The following PPFIA2 variants were observed in gnomAD, a reference collection of about 807,000 sequenced individuals.
The protein encoded by PPFIA2 is PPFI scaffold protein A2, also known as liprin-alpha-2.
In PPFIA2, 46 loss-of-function variants were observed where a neutral mutation model predicts 175.5. That is an observed-to-expected ratio of 0.26 (90% CI 0.21 to 0.34). PPFIA2 has a LOEUF of 0.34. Among genes scored for constraint, PPFIA2 ranks in the 10% least tolerant of loss-of-function variants. The pLI is 1.00. For missense variants in PPFIA2, 1,179 were observed against 1,506.1 expected (o/e 0.78, Z 3.60); for synonymous variants, 568 against 511.4 (o/e 1.11, Z -1.49).
chr12:81,742,909 A>G (rs1211670803), intron 3 of PPFIA2, among the ~76,000 whole-genome samples: 1 of 152,158 alleles, frequency 6.6e-6, no homozygotes, highest in African/African-American at 2.4e-5. Flanking sequence ...AGTTGCTGAT[A>G]AAGTAAGCAT....
chr12:81,418,864 C>T (rs1001449157), intron 7 of PPFIA2, among the ~76,000 whole-genome samples: 1 of 151,802 alleles, frequency 6.6e-6, no homozygotes, highest in African/African-American at 2.4e-5. Flanking sequence ...TGTGTTTTTT[C>T]ACATGCTATT....
At chr12:81,672,134 A>C (rs999369076) in intron 4 of PPFIA2, among the ~76,000 whole-genome samples, 1 of 151,956 alleles carries the variant, frequency 6.6e-6, no homozygotes, top group African/African-American at 2.4e-5. Context: ...GAAATAAACA[A>C]ATAGGAAAAT....
intron 24 of PPFIA2, among the ~76,000 whole-genome samples, chr12:81,285,687 T>C (rs144900814): frequency 2.6e-5 from 4 of 152,236 alleles, no homozygotes; most frequent in African/African-American, 9.6e-5. Flanking sequence ...GTAATGCTAG[T>C]GTAAACAAAC....
At chr12:81,485,179 C>T (rs575152425) in intron 4 of PPFIA2, among the ~76,000 whole-genome samples, 1 of 151,758 alleles carries the variant, frequency 6.6e-6, no homozygotes, top group Admixed American at 6.6e-5. Context: ...ATTTCTAATT[C>T]AAAGTGATAC....
At chr12:81,259,811 C>T (rs1053450123) in intron 32 of PPFIA2, 151 bp from the exon 33 acceptor site, 8 of 519,788 alleles carry the variant, frequency 1.5e-5, no homozygotes, top group Admixed American at 3.7e-5. Flanking sequence ...AGCCAACAGC[C>T]GTATGTAATT....
rs563389263 is a variant in PPFIA2, at chr12:81,326,113, T to C, written c.2549-243A>G. Among the ~76,000 whole-genome samples the C allele has an allele frequency of 4.9e-4, 74 of 152,268 alleles. 1 individual carries two copies. The highest frequency in any genetic ancestry group is 8.1e-4 in the Non-Finnish European group (55 of 67,994). On this transcript the variant is annotated intron_variant, in intron 21 of 32. Coordinates refer to ENST00000549396, the MANE Select transcript of PPFIA2 (RefSeq NM_003625.5). The stretch of plus-strand genomic sequence containing the variant: ...TTTGTTGCACCCAGTGGCAACATAA[T>C]AAATGTGGCCTGTTCACTGACAAGA...
intron 5 of PPFIA2, among the ~76,000 whole-genome samples, chr12:81,449,047 C>T (rs1438375195): frequency 6.6e-6 from 1 of 152,226 alleles, no homozygotes; most frequent in Middle Eastern, 3.2e-3. Context: ...CTGATCCTCA[C>T]TCTGTAAGAG....
At chr12:81,379,345 T>A (rs542977827) in intron 9 of PPFIA2, among the ~76,000 whole-genome samples, 5 of 152,272 alleles carry the variant, frequency 3.3e-5, no homozygotes, top group East Asian at 1.9e-4. Flanking sequence ...TAAATATAAC[T>A]CTCTGGTAAT....
intron 4 of PPFIA2, among the ~76,000 whole-genome samples, chr12:81,512,978 A>G (rs1567140490): frequency 6.6e-6 from 1 of 152,098 alleles, no homozygotes; most frequent in Non-Finnish European, 1.5e-5. Context: ...ACTGGGTAGG[A>G]GAAAATATTT....
chr12:81,410,451 G>A (rs749413446), intron 7 of PPFIA2, among the ~76,000 whole-genome samples: 4 of 151,994 alleles, frequency 2.6e-5, no homozygotes, highest in African/African-American at 4.8e-5. Context: ...AAGATTGGAC[G>A]TCTCCCTGGA....
chr12:81,394,380 A>C (rs1027228994), intron 8 of PPFIA2, among the ~76,000 whole-genome samples: 4 of 152,034 alleles, frequency 2.6e-5, no homozygotes, highest in Non-Finnish European at 5.9e-5. Flanking sequence ...GTAGGCATAG[A>C]AATAATGAAC....
At chr12:81,318,186 C>A (rs2052838573) in intron 22 of PPFIA2, among the ~76,000 whole-genome samples, 1 of 151,648 alleles carries the variant, frequency 6.6e-6, no homozygotes, top group Non-Finnish European at 1.5e-5. Context: ...TCTTTGAGGA[C>A]ATGGCTTTGT....
At position 81,697,524 on chromosome 12, in the gene PPFIA2, T is replaced by C. The variant is rs188723125; in HGVS notation, c.250-20680A>G. On this transcript the variant is annotated intron_variant, in intron 3 of 32. Coordinates refer to ENST00000549396, the MANE Select transcript of PPFIA2 (RefSeq NM_003625.5). ...TAAGCCACTTCAGCTAAAAAATCTA[T>C]ACAGGAATATGTCAAACTATTTGAT... Among the ~76,000 whole-genome samples, 227 of 152,236 alleles carry C rather than the reference T, an allele frequency of 1.5e-3. 1 individual carries two copies. The highest frequency in any genetic ancestry group is 5.3e-3 in the African/African-American group (220 of 41,550).
chr12:81,315,686 G>A (rs2052172145), intron 22 of PPFIA2, among the ~76,000 whole-genome samples: 1 of 151,628 alleles, frequency 6.6e-6, no homozygotes, highest in African/African-American at 2.4e-5. Flanking sequence ...CAATAAAGTT[G>A]TAAAATCAAA....
chr12:81,444,006 C>T (rs937365050), intron 6 of PPFIA2, among the ~76,000 whole-genome samples: 1 of 150,912 alleles, frequency 6.6e-6, no homozygotes, highest in Non-Finnish European at 1.5e-5. Context: ...AGGCGCCCGC[C>T]ACCACGCCCA....
At chr12:81,449,984 G>A (rs1046274704) in intron 5 of PPFIA2, among the ~76,000 whole-genome samples, 7 of 152,006 alleles carry the variant, frequency 4.6e-5, no homozygotes, top group Middle Eastern at 3.4e-3. Context: ...CTTTTTTATG[G>A]CTGCATAGTA....
Position 81,266,980 on chromosome 12 carries a change from G to T in PPFIA2, c.3527C>A (p.Ala1176Asp). The T allele has an allele frequency of 1.9e-6, 3 of 1,612,966 alleles. No individual in the cohort carries two copies. The highest frequency in any genetic ancestry group is 2.5e-6 in the Non-Finnish European group (3 of 1,179,322). ...ATCCAGTCGCCTTTCAGTTCCCAGG[G>T]CCAAGAGGTTATTGTATTCTCTTTC... is the stretch of plus-strand genomic sequence containing the variant. ...ILEREYNNLL[A>D]LGTERRLDES... Residue 1176 changes from alanine to aspartate, a missense_variant, in exon 30 of 33, where the codon GCC becomes GAC. Transcript: ENST00000549396.
chr12:81,339,161 T>C lies in PPFIA2; in HGVS notation c.2548+19A>G. 1 of 1,558,726 alleles carries C rather than the reference T, an allele frequency of 6.4e-7. No individual in the cohort carries two copies. Among genetic ancestry groups the C allele is most frequent in the East Asian group, 2.4e-5 (1 of 42,250 alleles). Reference sequence around the variant, plus strand: ...CTAAAATGAGTGGCAGTGGAAAGTCTTAACACATGCATACTTACGGAGCTG... The same window carrying C: ...CTAAAATGAGTGGCAGTGGAAAGTCCTAACACATGCATACTTACGGAGCTG... On this transcript the variant is annotated intron_variant, in intron 21 of 32. Coordinates refer to ENST00000549396, the MANE Select transcript of PPFIA2 (RefSeq NM_003625.5).
intron 3 of PPFIA2, among the ~76,000 whole-genome samples, chr12:81,729,573 G>T (rs530094160): frequency 6.6e-6 from 1 of 151,690 alleles, no homozygotes; most frequent in African/African-American, 2.4e-5. Context: ...TATCTACTCA[G>T]TAATCTGTGG....
Sources: allele counts gnomAD v4.1 joint callset (sites outside exome capture counted in the v4.1 genomes callset), GRCh38; gene constraint gnomAD v4.1.1; transcripts MANE v1.5; gene names NCBI Gene and HGNC (gene_info 2026-07-23, HGNC 2026-07-21).